HDHD5: variants seen among roughly 807,000 people sequenced by gnomAD.
The protein encoded by HDHD5 is haloacid dehalogenase like hydrolase domain containing 5.
Under a neutral mutation model 35.5 loss-of-function variants are expected in HDHD5, and 34 were observed. That is an observed-to-expected ratio of 0.96 (90% CI 0.73 to 1.28). The LOEUF is 1.28. HDHD5 is among the 50% of genes most tolerant of loss of function. The probability of loss-of-function intolerance (pLI) is 0.00; values close to 1 mark genes in which losing one functional copy is unlikely to be tolerated. For synonymous variants in HDHD5, 248 were observed against 240.6 expected, an observed-to-expected ratio of 1.03 and a Z score of -0.29; for missense variants, 589 against 560.2, an observed-to-expected ratio of 1.05 and a Z score of -0.52.
chr22:17,138,379 G>A, intron 7 of HDHD5, 22 bp from the exon 8 acceptor site: 1 of 1,591,138 alleles, frequency 6.3e-7, no homozygotes, highest in Non-Finnish European at 8.5e-7. Context: ...AGCCACACCG[G>A]AAAAGGAAAA....
upstream of HDHD5, among the ~76,000 whole-genome samples, chr22:17,163,842 C>T (rs141253739): frequency 9.8e-5 from 15 of 152,320 alleles, no homozygotes; most frequent in East Asian, 2.9e-3. Context: ...CTCTAAGCTG[C>T]TTGAGGGCAG....
In HDHD5 at chr22:17,164,800, G is replaced by C. The variant is rs79879434; in HGVS notation, c.36+409C>G. On this transcript the variant is annotated intron_variant, in intron 1 of 7. Coordinates refer to the HDHD5 transcript ENST00000155674. ...GCTTTTCCACATGAGAAGGAATAAA[G>C]GATAAAAGGAGGGAAACTGGCATAT... 6.6e-3 allele frequency among the ~76,000 whole-genome samples: 1,004 copies of C among 152,244 alleles called. 10 individuals are homozygous for C. The highest frequency in any genetic ancestry group is 0.023 in the African/African-American group (951 of 41,536).
upstream of HDHD5, among the ~76,000 whole-genome samples, chr22:17,161,459 T>C (rs1253410830): frequency 1.3e-5 from 2 of 151,612 alleles, no homozygotes; most frequent in East Asian, 3.9e-4. Flanking sequence ...CTTGGGAGGC[T>C]GAGGCAGGAG....
chr22:17,143,157 T>C (rs755834126), intron 4 of HDHD5, 26 bp from the exon 5 acceptor site: 2 of 1,602,646 alleles, frequency 1.2e-6, no homozygotes, highest in Non-Finnish European at 8.5e-7. Context: ...GGAGAGGCTA[T>C]CAACACAAGT....
chr22:17,145,161 G>T (rs753288897), intron 3 of HDHD5, 44 bp from the exon 4 acceptor site: 1 of 1,611,516 alleles, frequency 6.2e-7, no homozygotes, highest in African/African-American at 1.3e-5. Context: ...TCTTGGGGAA[G>T]ATGCCTTTCT....
At chr22:17,143,987 G>A (rs1601383442) in intron 4 of HDHD5, among the ~76,000 whole-genome samples, 2 of 152,290 alleles carry the variant, frequency 1.3e-5, no homozygotes, top group South Asian at 2.1e-4. Flanking sequence ...GCTCAAAAAT[G>A]AGCCCAGCGC....
intron 1 of HDHD5, 149 bp downstream of exon 1, chr22:17,158,977 A>C: frequency 1.4e-6 from 1 of 703,026 alleles, no homozygotes; most frequent in Non-Finnish European, 1.9e-6. Context: ...CCCTCCAGCA[A>C]GAACGCGATG....
At chr22:17,151,799 C>T (rs2061729524) in intron 1 of HDHD5, among the ~76,000 whole-genome samples, 1 of 150,742 alleles carries the variant, frequency 6.6e-6, no homozygotes, top group South Asian at 2.1e-4. Context: ...CGCTCCAGTA[C>T]CTACTTTTTA....
upstream of HDHD5, among the ~76,000 whole-genome samples, chr22:17,163,085 T>C (rs1046546097): frequency 6.6e-6 from 1 of 152,242 alleles, no homozygotes; most frequent in Non-Finnish European, 1.5e-5. Flanking sequence ...TATGAGCACG[T>C]CTTCTGAGTT....
Position 17,138,757 on chromosome 22 carries a change from C to T in HDHD5, c.747-19G>A. 6.2e-7 allele frequency: 1 copy of T among 1,613,878 alleles called. No homozygotes were observed. Among genetic ancestry groups the T allele is most frequent in the Non-Finnish European group, 8.5e-7 (1 of 1,179,842 alleles). On this transcript the variant is annotated intron_variant, in intron 6 of 7. Coordinates refer to ENST00000336737, the MANE Select transcript of HDHD5 (RefSeq NM_033070.3). The stretch of plus-strand genomic sequence containing the variant: ...TCCAAACCTGCCAGAAACGAGCACG[C>T]AGCAGTTCAGTCTTCCTGATCTCCA...
chr22:17,159,292 C>A (rs779435723), upstream of HDHD5: 51 of 1,238,028 alleles, frequency 4.1e-5, 1 homozygote, highest in Admixed American at 4.3e-4. Flanking sequence ...TGCGGCCCCC[C>A]CCCCCCGCGA....
In HDHD5 at chr22:17,138,237, T is replaced by C; in HGVS notation, c.1056A>G (p.Ala352=). 6.2e-7 allele frequency: 1 copy of C among 1,614,188 alleles called. No individual in the cohort carries two copies. The highest frequency in any genetic ancestry group is 8.5e-7 in the Non-Finnish European group (1 of 1,180,018). ...AGGTRQQQPS[A]SQSCISILVC... ...CCAGGATGGAGATGCAGCTCTGGCT[T>C]GCTGAGGGCTGTTGCTGCCGTGTGC... The change falls in exon 8 of 8, where the codon GCA becomes GCG. Residue 352 remains alanine (A), a synonymous_variant. Coordinates refer to ENST00000336737, the MANE Select transcript of HDHD5 (RefSeq NM_033070.3).
intron 1 of HDHD5, among the ~76,000 whole-genome samples, chr22:17,152,633 G>A (rs531394154): frequency 1.3e-5 from 2 of 152,246 alleles, no homozygotes; most frequent in Non-Finnish European, 2.9e-5. Context: ...AGGTCCTGGA[G>A]ATGAAAATTT....
At position 17,141,119 on chromosome 22, in the gene HDHD5, TG is replaced by T; in HGVS notation, c.685del (p.His229ThrfsTer5). On this transcript the variant is annotated frameshift_variant, in exon 6 of 8. Coordinates refer to ENST00000336737, the MANE Select transcript of HDHD5 (RefSeq NM_033070.3). LOFTEE classifies it high-confidence loss of function. ...GAGLATPPYP[H>X]LPVLASNMDL... ...CATGTTGCTGGCTAGGACGGGGAGG[TG>T]GGGGTAGGGGGGTGTTGCCAGGCCA... 6.3e-7 allele frequency: 1 copy of T among 1,592,152 alleles called. No homozygotes were observed. The highest frequency in any genetic ancestry group is 1.8e-5 in the Admixed American group (1 of 56,042).
upstream of HDHD5, chr22:17,159,464 C>A: frequency 1.8e-6 from 1 of 545,332 alleles, no homozygotes; most frequent in Non-Finnish European, 3.3e-6. Flanking sequence ...GCCTCCTAGA[C>A]CGAGATCGCG....
intron 6 of HDHD5, among the ~76,000 whole-genome samples, chr22:17,139,785 C>G (rs1485956151): frequency 6.6e-6 from 1 of 152,204 alleles, no homozygotes; most frequent in African/African-American, 2.4e-5. Flanking sequence ...GTTGGCCAGG[C>G]TGATCTTGAA....
At chr22:17,153,326 G>A (rs74677888) in intron 1 of HDHD5, among the ~76,000 whole-genome samples, 1,607 of 152,198 alleles carry the variant, frequency 0.011, 15 homozygotes, top group East Asian at 0.052. Flanking sequence ...ACTCAGCAAG[G>A]GTCACCCAGT....
chr22:17,161,137 T>C (rs2061860630), upstream of HDHD5, among the ~76,000 whole-genome samples: 1 of 150,662 alleles, frequency 6.6e-6, no homozygotes, highest in African/African-American at 2.5e-5. Flanking sequence ...TCCCAGCTAC[T>C]TGGGAAGCTG....
At chr22:17,155,143 A>C (rs1468367265) in intron 1 of HDHD5, among the ~76,000 whole-genome samples, 4 of 152,208 alleles carry the variant, frequency 2.6e-5, no homozygotes, top group Non-Finnish European at 4.4e-5. Context: ...TTACATAGTT[A>C]AAAAACAGCT....
Sources: gnomAD v4.1 joint callset for allele counts (sites outside exome capture counted in the v4.1 genomes callset) on GRCh38, gnomAD v4.1.1 for gene constraint, MANE v1.5 for transcripts, NCBI Gene and HGNC (gene_info 2026-07-23, HGNC 2026-07-21) for gene names.